Variants in NTAQ1 observed in about 807,000 individuals in gnomAD.
NTAQ1 encodes protein N-terminal glutamine amidohydrolase.
A neutral mutation model predicts 28.2 loss-of-function variants in NTAQ1; 21 were observed. The observed-to-expected ratio is 0.74, with a 90% CI of 0.53 to 1.07. NTAQ1 has a LOEUF of 1.07. NTAQ1 is among the 50% of genes least tolerant of loss of function. NTAQ1 has a pLI of 0.00. For synonymous variants in NTAQ1, 105 were observed against 90.0 expected, an observed-to-expected ratio of 1.17 and a Z score of -0.94; for missense variants, 264 against 256.6, an observed-to-expected ratio of 1.03 and a Z score of -0.20.
chr8:123,458,975 G>A (rs1815737021), intron 6 of NTAQ1, among the ~76,000 whole-genome samples: 1 of 152,028 alleles, frequency 6.6e-6, no homozygotes, highest in Admixed American at 6.5e-5. Flanking sequence ...TTACTCCGGA[G>A]GCTGAGGCAA....
chr8:123,460,176 A>G (rs377095308), intron 6 of NTAQ1, among the ~76,000 whole-genome samples: 3 of 152,346 alleles, frequency 2.0e-5, no homozygotes, highest in African/African-American at 7.2e-5. Context: ...GTACCTTGAG[A>G]GAACCCCTAA....
intron 1 of NTAQ1, among the ~76,000 whole-genome samples, chr8:123,418,593 GAA>G (rs1234646887): frequency 6.6e-6 from 1 of 152,140 alleles, no homozygotes; most frequent in East Asian, 1.9e-4. Context: ...GGTGATATTT[GAA>G]AAGAGATCTG....
At chr8:123,434,884 A>T (rs1586945117) in intron 3 of NTAQ1, among the ~76,000 whole-genome samples, 1 of 152,208 alleles carries the variant, frequency 6.6e-6, no homozygotes, top group East Asian at 1.9e-4. Context: ...TATCTGGGGA[A>T]GTCCAGAGAA....
chr8:123,446,412 A>C (rs138169511), downstream of NTAQ1, among the ~76,000 whole-genome samples: 1 of 152,182 alleles, frequency 6.6e-6, no homozygotes, highest in Non-Finnish European at 1.5e-5. Flanking sequence ...CAACTACTCA[A>C]CTCTGCCTTT....
chr8:123,449,966 T>TG (rs1177866407), downstream of NTAQ1, among the ~76,000 whole-genome samples: 73 of 60,342 alleles, frequency 1.2e-3, 17 homozygotes, highest in Middle Eastern at 0.02. Context: ...TATATATATA[T>TG]ATATATATGC....
intron 1 of NTAQ1, among the ~76,000 whole-genome samples, chr8:123,419,146 T>C (rs11787093): frequency 0.67 from 96,695 of 145,272 alleles, 32,800 homozygotes; most frequent in East Asian, 0.92. Context: ...TTGCCCAGGC[T>C]GGAGTGCAAT....
chr8:123,430,026 T>C lies in NTAQ1; in HGVS notation c.227T>C (p.Val76Ala). ...CAGGCGAGACCTGGAGATGGACCTG[T>C]GATCTGGGTAAGACAGTTAATACAG... ...KQQARPGDGP[V>A]IWDYHVVLLH... is the part of the protein sequence containing the mutation. Residue 76 changes from valine to alanine, a missense_variant, in exon 3 of 6, where the codon GTG becomes GCG. By Grantham distance (64) the Val-to-Ala change is moderately conservative. Transcript: ENST00000287387. 7 of 1,613,132 alleles carry C rather than the reference T, an allele frequency of 4.3e-6. No individual in the cohort carries two copies. The highest frequency in any genetic ancestry group is 5.9e-6 in the Non-Finnish European group (7 of 1,179,304).
chr8:123,419,480 T>C (rs1813532564), intron 1 of NTAQ1, among the ~76,000 whole-genome samples: 1 of 152,170 alleles, frequency 6.6e-6, no homozygotes, highest in Non-Finnish European at 1.5e-5. Context: ...CAGATGTTAC[T>C]TACGCTTCAA....
chr8:123,456,678 T>C (rs949606538), intron 6 of NTAQ1, among the ~76,000 whole-genome samples: 1 of 152,216 alleles, frequency 6.6e-6, no homozygotes, highest in African/African-American at 2.4e-5. Flanking sequence ...ACAAGAACTG[T>C]CACTTAAATG....
intron 2 of NTAQ1, 107 bp from the exon 3 acceptor site, chr8:123,429,876 T>G (rs1814286032): frequency 4.6e-6 from 2 of 430,166 alleles, no homozygotes; most frequent in South Asian, 4.0e-5. Flanking sequence ...CAGGACTCTG[T>G]CTCAAAAAAA....
downstream of NTAQ1, among the ~76,000 whole-genome samples, chr8:123,474,953 G>T (rs558910747): frequency 6.6e-6 from 1 of 152,294 alleles, no homozygotes; most frequent in South Asian, 2.1e-4. Context: ...ACTAGTTTTA[G>T]CATCTATGGA....
chr8:123,428,089 A>AC, intron 2 of NTAQ1, 66 bp downstream of exon 2: 1 of 1,127,730 alleles, frequency 8.9e-7, no homozygotes, highest in Non-Finnish European at 1.2e-6. Context: ...GCTAAATTAA[A>AC]AAAAAAAAAG....
At chr8:123,458,685 G>C (rs1815727978) in intron 6 of NTAQ1, among the ~76,000 whole-genome samples, 1 of 150,836 alleles carries the variant, frequency 6.6e-6, no homozygotes, top group African/African-American at 2.4e-5. Flanking sequence ...GCAACGGCGC[G>C]ATCTCGGCTC....
intron 1 of NTAQ1, among the ~76,000 whole-genome samples, chr8:123,422,491 C>T (rs763023793): frequency 3.0e-4 from 46 of 151,804 alleles, no homozygotes; most frequent in Non-Finnish European, 5.6e-4. Context: ...TGCCCAGGCT[C>T]ATCTTGAACT....
intron 1 of NTAQ1, among the ~76,000 whole-genome samples, chr8:123,422,799 C>T (rs961504149): frequency 1.1e-4 from 16 of 151,906 alleles, no homozygotes; most frequent in African/African-American, 3.6e-4. Flanking sequence ...GTCTTTAATC[C>T]ATCTTGAGTT....
At chr8:123,475,306 TG>T in the NTAQ1 span, among the ~76,000 whole-genome samples, 3 of 152,184 alleles carry the variant, frequency 2.0e-5, no homozygotes, top group Non-Finnish European at 4.4e-5. Context: ...GTACTTTCTT[TG>T]CCCCAACCAT....
At chr8:123,442,857 G>A (rs11777567), downstream of NTAQ1, among the ~76,000 whole-genome samples, 54,562 of 150,026 alleles carry the variant, frequency 0.36, 9,965 homozygotes, top group East Asian at 0.56. Context: ...TAGTAGAGAC[G>A]TGGTTTCACC....
downstream of NTAQ1, among the ~76,000 whole-genome samples, chr8:123,448,809 G>A (rs1378725491): frequency 6.6e-6 from 1 of 152,202 alleles, no homozygotes; most frequent in Non-Finnish European, 1.5e-5. Context: ...CAAATGGTCT[G>A]TGTTCTCATT....
downstream of NTAQ1, among the ~76,000 whole-genome samples, chr8:123,445,694 C>T (rs907211493): frequency 2.0e-5 from 3 of 152,156 alleles, no homozygotes; most frequent in Non-Finnish European, 4.4e-5. Context: ...TAGCCTCCGC[C>T]TCCCGGGTTG....
Sources: gnomAD v4.1 joint callset for allele counts (sites outside exome capture counted in the v4.1 genomes callset) on GRCh38, gnomAD v4.1.1 for gene constraint, MANE v1.5 for transcripts, NCBI Gene and HGNC (gene_info 2026-07-23, HGNC 2026-07-21) for gene names.